Variants in STPG2 observed in about 807,000 individuals in gnomAD.
STPG2 encodes the protein sperm tail PG-rich repeat containing 2, also known as sperm-tail PG-rich repeat-containing protein 2.
STPG2 carries 56 observed loss-of-function variants against 54.2 expected under a neutral mutation model. The observed-to-expected ratio is 1.03, with a 90% confidence interval of 0.83 to 1.29. The LOEUF (loss-of-function observed/expected upper bound fraction) is 1.29. STPG2 is among the 50% of genes most tolerant of loss of function. The probability of loss-of-function intolerance (pLI) is 0.00; values close to 1 mark genes in which losing one functional copy is unlikely to be tolerated. For missense variants in STPG2, 596 were observed against 544.9 expected (o/e 1.09, Z -0.93); for synonymous variants, 200 against 181.8 (o/e 1.10, Z -0.81).
chr4:97,572,135 C>T (rs1342982545), intron 10 of STPG2, among the ~76,000 whole-genome samples: 2 of 152,286 alleles, frequency 1.3e-5, no homozygotes, highest in South Asian at 2.1e-4. Flanking sequence ...CTTTTGCATG[C>T]ACTTGCTTGT....
chr4:98,040,159 TTTATTG>T, intron 5 of STPG2, among the ~76,000 whole-genome samples: 1 of 152,066 alleles, frequency 6.6e-6, no homozygotes, highest in African/African-American at 2.4e-5. Flanking sequence ...TTGCCCACTC[TTTATTG>T]GGGCTTTTAG....
chr4:97,460,141 A>G (rs940573357), intron 4 of STPG2, among the ~76,000 whole-genome samples: 2 of 152,066 alleles, frequency 1.3e-5, no homozygotes, highest in Admixed American at 6.6e-5. Context: ...TCAACCCCCC[A>G]CTAGTACAAC....
chr4:98,052,014 G>C (rs968303526), intron 5 of STPG2, among the ~76,000 whole-genome samples: 1 of 151,236 alleles, frequency 6.6e-6, no homozygotes, highest in East Asian at 1.9e-4. Flanking sequence ...TTGAACACGG[G>C]AGGCGGAGGT....
chr4:97,915,650 GA>G (rs1267732629), intron 8 of STPG2, among the ~76,000 whole-genome samples: 4 of 151,862 alleles, frequency 2.6e-5, no homozygotes, highest in Non-Finnish European at 4.4e-5. Flanking sequence ...ATAGAGGGTG[GA>G]AAAAAATTGT....
At chr4:97,782,855 G>T (rs1372342758) in intron 9 of STPG2, among the ~76,000 whole-genome samples, 1 of 152,208 alleles carries the variant, frequency 6.6e-6, no homozygotes, top group Non-Finnish European at 1.5e-5. Context: ...AATAAATGGT[G>T]CTGGGAAAAC....
intron 10 of STPG2, among the ~76,000 whole-genome samples, chr4:97,587,675 T>A (rs965096765): frequency 6.6e-6 from 1 of 151,956 alleles, no homozygotes; most frequent in Admixed American, 6.6e-5. Context: ...GTCTTTGTAG[T>A]CCTAAAATGT....
chr4:97,505,500 TAGGATGAC>T (rs1004749638), intron 4 of STPG2, among the ~76,000 whole-genome samples: 14 of 151,844 alleles, frequency 9.2e-5, no homozygotes, highest in Non-Finnish European at 7.4e-5. Context: ...AACAGGAGTA[TAGGATGAC>T]AAAGGCAGAT....
In STPG2 at chr4:97,935,195, G is replaced by A. The variant is rs545152741; in HGVS notation, c.1044+8702C>T. Among the ~76,000 whole-genome samples, 4 of 152,186 alleles carry A rather than the reference G, an allele frequency of 2.6e-5. No individual in the cohort carries two copies. In the East Asian group the frequency reaches 7.7e-4, roughly 29 times the overall value. ...TTGTTATATTTCTGTGGGTTCAATGGTGATATCCTTTTTATCACTTTTTAT... is the reference window on the plus strand; with the variant it reads ...TTGTTATATTTCTGTGGGTTCAATGATGATATCCTTTTTATCACTTTTTAT... On this transcript the variant is annotated intron_variant, in intron 8 of 10. Coordinates refer to ENST00000295268, the MANE Select transcript of STPG2 (RefSeq NM_174952.3).
chr4:97,545,625 C>G (rs56211207), intron 4 of STPG2, among the ~76,000 whole-genome samples: 7,728 of 152,072 alleles, frequency 0.051, 277 homozygotes, highest in Non-Finnish European at 0.082. Flanking sequence ...AACTGTGTAT[C>G]TCCTATTCAA....
chr4:97,845,054 T>C (rs1167936348), intron 8 of STPG2, among the ~76,000 whole-genome samples: 1 of 152,014 alleles, frequency 6.6e-6, no homozygotes, highest in Admixed American at 6.6e-5. Flanking sequence ...ATTAAGATTC[T>C]CTATTGGCTC....
At chr4:97,536,380 C>A (rs908281788) in intron 4 of STPG2, among the ~76,000 whole-genome samples, 1 of 152,086 alleles carries the variant, frequency 6.6e-6, no homozygotes, top group Admixed American at 6.5e-5. Context: ...AGGGAGTTCC[C>A]AAAAGATCTG....
intron 7 of STPG2, among the ~76,000 whole-genome samples, chr4:97,944,523 T>C (rs918912015): frequency 1.4e-4 from 22 of 152,096 alleles, no homozygotes; most frequent in African/African-American, 5.1e-4. Context: ...AGTAATGTAA[T>C]ATTTCAATGA....
intron 10 of STPG2, among the ~76,000 whole-genome samples, chr4:97,563,003 T>G (rs1207121083): frequency 6.6e-6 from 1 of 152,158 alleles, no homozygotes; most frequent in African/African-American, 2.4e-5. Flanking sequence ...ATAGGAATAG[T>G]TTCAGAAGGA....
chr4:98,056,275 T>C (rs1578818475), intron 5 of STPG2, among the ~76,000 whole-genome samples: 1 of 151,980 alleles, frequency 6.6e-6, no homozygotes, highest in African/African-American at 2.4e-5. Context: ...CCCAGAGCTC[T>C]CCAGCCAGTA....
chr4:98,089,202 C>A (rs1034940929), intron 5 of STPG2, among the ~76,000 whole-genome samples: 1 of 152,030 alleles, frequency 6.6e-6, no homozygotes, highest in Non-Finnish European at 1.5e-5. Flanking sequence ...CCATGACCCC[C>A]CTCCCAACCT....
At chr4:97,509,210 C>T (rs570463475) in intron 4 of STPG2, among the ~76,000 whole-genome samples, 9 of 152,058 alleles carry the variant, frequency 5.9e-5, no homozygotes, top group Admixed American at 2.0e-4. Context: ...AGCTCCTTCC[C>T]AAAGGTGGAA....
chr4:97,615,766 T>C (rs1011103892), intron 10 of STPG2, among the ~76,000 whole-genome samples: 1 of 151,686 alleles, frequency 6.6e-6, no homozygotes, highest in African/African-American at 2.4e-5. Flanking sequence ...AAATAAAAGA[T>C]AGTGGCTCAC....
chr4:97,806,860 A>C (rs2149094149), intron 9 of STPG2, among the ~76,000 whole-genome samples: 1 of 152,244 alleles, frequency 6.6e-6, no homozygotes, highest in South Asian at 2.1e-4. Context: ...TTTATCACAA[A>C]GATTGCTGCC....
intron 5 of STPG2, among the ~76,000 whole-genome samples, chr4:98,103,157 T>C (rs2110138091): frequency 6.6e-6 from 1 of 152,064 alleles, no homozygotes; most frequent in Middle Eastern, 3.4e-3. Flanking sequence ...TTAATTAACA[T>C]GTTCATTATA....
Sources: gnomAD v4.1 joint callset for allele counts (sites outside exome capture counted in the v4.1 genomes callset) on GRCh38, gnomAD v4.1.1 for gene constraint, MANE v1.5 for transcripts, NCBI Gene and HGNC (gene_info 2026-07-23, HGNC 2026-07-21) for gene names.